RALYL: variants seen among roughly 807,000 people sequenced by gnomAD.
RALYL encodes RNA-binding Raly-like protein.
A neutral mutation model predicts 35.1 loss-of-function variants in RALYL; 29 were observed. The ratio of observed to expected loss-of-function variants is 0.83; its 90% CI spans 0.61 to 1.13. The LOEUF (loss-of-function observed/expected upper bound fraction) is 1.13, where lower values mean the gene tolerates loss of function less well. Ranked by LOEUF, RALYL falls within the 50% of genes most tolerant of loss-of-function variation. RALYL has a pLI of 0.00. For synonymous variants in RALYL, 120 were observed against 127.6 expected (o/e 0.94, Z 0.40); for missense variants, 359 against 360.4 (o/e 1.00, Z 0.03).
chr8:84,833,595 G>A (rs531105013), intron 4 of RALYL, among the ~76,000 whole-genome samples: 18 of 147,554 alleles, frequency 1.2e-4, no homozygotes, highest in African/African-American at 3.8e-4. Flanking sequence ...CTGAGATTGC[G>A]CCATTGCACT....
At chr8:84,876,523 A>C (rs189119669) in intron 7 of RALYL, among the ~76,000 whole-genome samples, 1 of 151,822 alleles carries the variant, frequency 6.6e-6, no homozygotes, top group East Asian at 2.0e-4. Context: ...TGCTTTACGC[A>C]AAGATGTTAA....
chr8:84,829,741 A>T (rs932338058), intron 4 of RALYL, among the ~76,000 whole-genome samples: 7 of 152,212 alleles, frequency 4.6e-5, no homozygotes, highest in African/African-American at 7.2e-5. Context: ...ACACTGAGTT[A>T]GCAAATACTG....
rs1278950403 is a variant in RALYL at position 84,481,249 on chromosome 8, T to G, written c.-23-48050T>G. Among the ~76,000 whole-genome samples, 6 of 152,206 alleles carry G rather than the reference T, an allele frequency of 3.9e-5. No homozygotes were observed. The East Asian group carries it at 7.7e-4, about 20-fold the overall frequency. ...TTACATAGAAATACAATTTTTTTTGTATATTGACTTTGCATCCTGTAACAT... is the reference window on the plus strand; with the variant it reads ...TTACATAGAAATACAATTTTTTTTGGATATTGACTTTGCATCCTGTAACAT... On this transcript the variant is annotated intron_variant, in intron 1 of 8. Coordinates refer to ENST00000521268, the MANE Select transcript of RALYL (RefSeq NM_173848.7).
intron 1 of RALYL, among the ~76,000 whole-genome samples, chr8:84,438,458 T>C (rs549324523): frequency 1.3e-5 from 2 of 152,232 alleles, no homozygotes; most frequent in East Asian, 1.9e-4. Flanking sequence ...GCACAATCTC[T>C]GCTCACTGCA....
intron 1 of RALYL, among the ~76,000 whole-genome samples, chr8:84,233,161 T>A (rs1335642144): frequency 2.0e-5 from 3 of 152,034 alleles, no homozygotes; most frequent in African/African-American, 7.2e-5. Flanking sequence ...TTTTATTGTT[T>A]TTTTGTAGAG....
intron 1 of RALYL, among the ~76,000 whole-genome samples, chr8:84,216,333 T>TA (rs1468394847): frequency 1.3e-5 from 2 of 152,250 alleles, no homozygotes; most frequent in South Asian, 2.1e-4. Context: ...TGAAGAAATA[T>TA]AATATTATTT....
chr8:84,225,779 G>A (rs1823735193), intron 1 of RALYL, among the ~76,000 whole-genome samples: 1 of 152,070 alleles, frequency 6.6e-6, no homozygotes, highest in Non-Finnish European at 1.5e-5. Flanking sequence ...TCTCGAATGT[G>A]TGTGCTTGTT....
chr8:84,278,004 G>A (rs1255198781), intron 1 of RALYL, among the ~76,000 whole-genome samples: 1 of 152,208 alleles, frequency 6.6e-6, no homozygotes, highest in South Asian at 2.1e-4. Context: ...AGCTCCACTA[G>A]GCAGTGCCCC....
intron 1 of RALYL, among the ~76,000 whole-genome samples, chr8:84,360,883 G>T (rs1852851656): frequency 6.6e-6 from 1 of 150,834 alleles, no homozygotes; most frequent in African/African-American, 2.4e-5. Context: ...AGGGAGTCAG[G>T]TTTCCAGACT....
intron 2 of RALYL, among the ~76,000 whole-genome samples, chr8:84,535,787 T>C (rs1588045951): frequency 2.0e-5 from 3 of 152,004 alleles, no homozygotes; most frequent in African/African-American, 7.2e-5. Context: ...CCCTGACTTC[T>C]ACCTGCAAGA....
chr8:84,897,474 A>G (rs1365675), intron 8 of RALYL, among the ~76,000 whole-genome samples: 3,589 of 152,310 alleles, frequency 0.024, 147 homozygotes, highest in African/African-American at 0.081. Context: ...TATAGCTCTC[A>G]GCACATTCAA....
chr8:84,551,780 G>A (rs868214207), intron 2 of RALYL, among the ~76,000 whole-genome samples: 6 of 152,144 alleles, frequency 3.9e-5, no homozygotes, highest in Non-Finnish European at 8.8e-5. Context: ...CTAGGCTGGT[G>A]CATGGTGCTG....
chr8:84,717,797 T>C (rs1049650861), intron 2 of RALYL, among the ~76,000 whole-genome samples: 4 of 152,224 alleles, frequency 2.6e-5, no homozygotes, highest in African/African-American at 9.6e-5. Context: ...ACATTTGGAA[T>C]ATGACTATCA....
At chr8:84,484,199 A>G (rs1266119050) in intron 1 of RALYL, among the ~76,000 whole-genome samples, 1 of 152,130 alleles carries the variant, frequency 6.6e-6, no homozygotes. Context: ...AAAAACTTTA[A>G]CATTCAATAA....
chr8:84,264,392 C>T (rs891857563), intron 1 of RALYL, among the ~76,000 whole-genome samples: 5 of 147,966 alleles, frequency 3.4e-5, no homozygotes, highest in East Asian at 2.0e-4. Context: ...TCATATGTTT[C>T]GTGGTTGCAT....
chr8:84,277,169 G>A (rs755886727), intron 1 of RALYL, among the ~76,000 whole-genome samples: 2 of 152,146 alleles, frequency 1.3e-5, no homozygotes, highest in East Asian at 3.9e-4. Context: ...AAAGAAAGAG[G>A]TTTAATGGTC....
chr8:84,442,152 T>C (rs1028717307), intron 1 of RALYL, among the ~76,000 whole-genome samples: 1 of 152,148 alleles, frequency 6.6e-6, no homozygotes, highest in Non-Finnish European at 1.5e-5. Context: ...TACTCTCCTA[T>C]GTGGTTTTCC....
rs562165519 is a variant in RALYL at position 84,525,615 on chromosome 8, C to T, written c.-23-3684C>T. Among the ~76,000 whole-genome samples, 36 of 152,108 alleles carry T rather than the reference C, an allele frequency of 2.4e-4. 1 individual carries two copies. The highest frequency in any genetic ancestry group is 7.9e-4 in the African/African-American group (33 of 41,522). On this transcript the variant is annotated intron_variant, in intron 1 of 8. Coordinates refer to ENST00000521268, the MANE Select transcript of RALYL (RefSeq NM_173848.7). ...AGACTCCAGATTTATATATGTTTAACGGCTTGACAGAGTTAAATATTAACT... is the reference window on the plus strand; with the variant it reads ...AGACTCCAGATTTATATATGTTTAATGGCTTGACAGAGTTAAATATTAACT...
At chr8:84,469,050 T>A (rs1276190507) in intron 1 of RALYL, among the ~76,000 whole-genome samples, 2 of 151,870 alleles carry the variant, frequency 1.3e-5, no homozygotes, top group Non-Finnish European at 2.9e-5. Flanking sequence ...TTCTTCTAAA[T>A]TTTTTTTCAA....
Sources: allele counts gnomAD v4.1 joint callset (sites outside exome capture counted in the v4.1 genomes callset), GRCh38; gene constraint gnomAD v4.1.1; transcripts MANE v1.5; gene names NCBI Gene and HGNC (gene_info 2026-07-23, HGNC 2026-07-21).